Variants in DPP4 observed in about 807,000 individuals in gnomAD.
The protein encoded by DPP4 is dipeptidyl peptidase 4, also known as ADCP-2.
Under a neutral mutation model 122.4 loss-of-function variants are expected in DPP4, and 93 were observed. That is an observed-to-expected ratio of 0.76 (90% CI 0.64 to 0.90). DPP4 has a LOEUF of 0.90. DPP4 is among the 40% of genes least tolerant of loss of function. DPP4 has a pLI of 0.00. For missense variants in DPP4, 914 were observed against 907.3 expected, an observed-to-expected ratio of 1.01 and a Z score of -0.09; for synonymous variants, 321 against 302.9, an observed-to-expected ratio of 1.06 and a Z score of -0.62.
At chr2:162,015,508 T>G (rs1364417869) in intron 18 of DPP4, among the ~76,000 whole-genome samples, 1 of 152,220 alleles carries the variant, frequency 6.6e-6, no homozygotes, top group Non-Finnish European at 1.5e-5. Flanking sequence ...ATCTCTGCTT[T>G]GTTTGAATTG....
chr2:162,035,897 G>A (rs12467848), intron 8 of DPP4, among the ~76,000 whole-genome samples: 27 of 152,138 alleles, frequency 1.8e-4, no homozygotes, highest in Admixed American at 9.8e-4. Flanking sequence ...GCCCAGCCCA[G>A]AAACTGAAAA....
intron 2 of DPP4, among the ~76,000 whole-genome samples, chr2:162,061,680 G>C (rs79777188): frequency 0.023 from 3,471 of 152,102 alleles, 123 homozygotes; most frequent in African/African-American, 0.074. Flanking sequence ...ATTAATAAAT[G>C]TTCATTAAAA....
intron 2 of DPP4, among the ~76,000 whole-genome samples, chr2:162,066,701 T>C (rs924681867): frequency 1.3e-5 from 2 of 152,184 alleles, no homozygotes; most frequent in African/African-American, 4.8e-5. Flanking sequence ...ATGATTCTGG[T>C]GACTGGAAAG....
chr2:162,009,155 A>T, intron 21 of DPP4, 86 bp downstream of exon 21: 1 of 1,385,358 alleles, frequency 7.2e-7, no homozygotes, highest in Non-Finnish European at 1.0e-6. Flanking sequence ...TTTCACCTCC[A>T]AATATGTATA....
At chr2:162,046,003 G>A (rs770555527) in intron 4 of DPP4, among the ~76,000 whole-genome samples, 5 of 152,164 alleles carry the variant, frequency 3.3e-5, no homozygotes, top group Non-Finnish European at 7.3e-5. Flanking sequence ...AGAGTGGAAG[G>A]TGAGAGGACA....
intron 10 of DPP4, among the ~76,000 whole-genome samples, chr2:162,029,052 G>A (rs1683448864): frequency 6.6e-6 from 1 of 152,152 alleles, no homozygotes. Flanking sequence ...TTCCTAGAGA[G>A]CTTGTGTGTA....
At chr2:162,072,459 T>C (rs1422610082) in intron 2 of DPP4, among the ~76,000 whole-genome samples, 1 of 152,206 alleles carries the variant, frequency 6.6e-6, no homozygotes, top group African/African-American at 2.4e-5. Flanking sequence ...AAGCATGGTT[T>C]TCATAGCTCT....
chr2:162,001,010 A>G (rs1340119184), intron 23 of DPP4, among the ~76,000 whole-genome samples: 1 of 152,114 alleles, frequency 6.6e-6, no homozygotes, highest in Non-Finnish European at 1.5e-5. Context: ...TCATTTGTCT[A>G]CTGTGCTGAT....
chr2:162,034,981 C>A (rs994972305), intron 9 of DPP4, among the ~76,000 whole-genome samples, 183 bp downstream of exon 9: 3 of 152,062 alleles, frequency 2.0e-5, no homozygotes, highest in South Asian at 2.1e-4. Flanking sequence ...AACCTTAAAT[C>A]ACACTCTTTC....
chr2:162,020,428 C>T (rs1683082688), intron 13 of DPP4, 132 bp from the exon 14 acceptor site: 3 of 1,023,146 alleles, frequency 2.9e-6, no homozygotes, highest in Non-Finnish European at 4.3e-6. Context: ...GTTTCCCCAC[C>T]TCGTTCCACA....
intron 22 of DPP4, 120 bp from the exon 23 acceptor site, chr2:162,005,929 C>T (rs1274544441): frequency 1.2e-6 from 1 of 800,650 alleles, no homozygotes; most frequent in Non-Finnish European, 2.0e-6. Context: ...TATAGAGTTA[C>T]TCTCAGAAGT....
Position 162,026,119 on chromosome 2 carries a change from A to C in DPP4, c.888-1180T>G, listed in dbSNP as rs1378368445. Among the ~76,000 whole-genome samples the C allele has an allele frequency of 5.3e-5, 8 of 152,184 alleles. No individual in the cohort carries two copies. In the East Asian group the frequency reaches 1.5e-3, roughly 29 times the overall value. ...ATAGCTTTGTCCTTCTTCAGAATTC[A>C]TAGATCAATTTCCATCTCCACTCCC... On this transcript the variant is annotated intron_variant, in intron 10 of 25. Transcript: ENST00000360534.
intron 5 of DPP4, among the ~76,000 whole-genome samples, chr2:162,039,788 A>C (rs529462310): frequency 1.3e-5 from 2 of 152,174 alleles, no homozygotes; most frequent in South Asian, 4.1e-4. Flanking sequence ...GTCAAACTAA[A>C]TCCAAAGTAA....
intron 4 of DPP4, among the ~76,000 whole-genome samples, chr2:162,046,217 A>C (rs1267528962): frequency 6.6e-6 from 1 of 152,100 alleles, no homozygotes; most frequent in Non-Finnish European, 1.5e-5. Context: ...GCAGATAGGG[A>C]CACAAGTTAG....
intron 2 of DPP4, among the ~76,000 whole-genome samples, chr2:162,060,525 T>C (rs992376181): frequency 1.3e-5 from 2 of 152,210 alleles, no homozygotes; most frequent in African/African-American, 2.4e-5. Context: ...TTCTTCCCTT[T>C]TTTCATGTTC....
intron 5 of DPP4, among the ~76,000 whole-genome samples, chr2:162,045,200 T>A (rs973741145): frequency 6.6e-6 from 1 of 152,126 alleles, no homozygotes; most frequent in African/African-American, 2.4e-5. Context: ...AAATAAAGGG[T>A]TCTGTCATTA....
chr2:162,027,956 G>A (rs1055333722), intron 10 of DPP4, among the ~76,000 whole-genome samples: 5 of 151,892 alleles, frequency 3.3e-5, no homozygotes, highest in Non-Finnish European at 5.9e-5. Context: ...CAGTTCACCC[G>A]TGGCGCAGAC....
Position 161,993,245 on chromosome 2 carries a change from G to T in DPP4, c.*38C>A, listed in dbSNP as rs768542849. 2.0e-6 allele frequency: 3 copies of T among 1,507,544 alleles called. No individual in the cohort carries two copies. Among genetic ancestry groups the T allele is most frequent in the South Asian group, 2.3e-5 (2 of 88,630 alleles). 93.4% of individuals were successfully genotyped at this position (1,507,544 alleles called of 1,614,324 possible). A position where few individuals can be genotyped will look rare whatever the true frequency, so the allele number is the denominator to read the frequency against. ...TTTGAGATAATGAAAACAAAAATGA[G>T]TTTTAATAAGCTTTAAATGGCATGG... On this transcript the variant is annotated 3_prime_UTR_variant, in exon 26 of 26. Transcript: ENST00000360534.
intron 2 of DPP4, among the ~76,000 whole-genome samples, chr2:162,063,298 T>C (rs978028273): frequency 6.6e-6 from 1 of 152,164 alleles, no homozygotes; most frequent in Non-Finnish European, 1.5e-5. Flanking sequence ...CAAATGGAGA[T>C]GTCCAGTAAG....
Sources: allele counts gnomAD v4.1 joint callset (sites outside exome capture counted in the v4.1 genomes callset), GRCh38; gene constraint gnomAD v4.1.1; transcripts MANE v1.5; gene names NCBI Gene and HGNC (gene_info 2026-07-23, HGNC 2026-07-21).